Variants in RFPL2 observed in about 807,000 individuals in gnomAD.
RFPL2 encodes ret finger protein-like 2.
In RFPL2, 13 loss-of-function variants were observed where a neutral mutation model predicts 17.8. The ratio of observed to expected loss-of-function variants is 0.73; its 90% CI spans 0.47 to 1.16. The LOEUF is 1.16. Among genes scored for constraint, RFPL2 ranks in the 50% most tolerant of loss-of-function variants. RFPL2 has a pLI of 0.00. For synonymous variants in RFPL2, 189 were observed against 180.9 expected (o/e 1.04, Z -0.36); for missense variants, 431 against 479.3 (o/e 0.90, Z 0.94).
chr22:32,192,935 G>A lies in RFPL2; in HGVS notation c.523C>T (p.Leu175=). 6.2e-7 allele frequency: 1 copy of A among 1,614,012 alleles called. No homozygotes were observed. The highest frequency in any genetic ancestry group is 8.5e-7 in the Non-Finnish European group (1 of 1,179,916). The part of the protein sequence containing the change: ...KELEPKLKKI[L]QMNPRMRKFQ... ...TTCCGCATCCTTGGGTTCATCTGCAGAATCTTCTTCAGCTTGGGCTCCAGT... is the reference window on the plus strand; with the variant it reads ...TTCCGCATCCTTGGGTTCATCTGCAAAATCTTCTTCAGCTTGGGCTCCAGT... Residue 175 remains leucine, a synonymous_variant, in exon 4 of 5, where the codon CTG becomes TTG. Transcript: ENST00000652607.
Position 32,190,862 on chromosome 22 carries a change from T to C in RFPL2, c.1047A>G (p.Pro349=). ...PLRPFLAPSV[P]PNGDQGVLSI... is the part of the protein sequence containing the mutation. ...TCAAGACACCTTGATCACCATTAGG[T>C]GGAACTGAAGGAGCCAAAAATGGGC... The change falls in exon 5 of 5, where the codon CCA becomes CCG. Residue 349 remains proline (P), a synonymous_variant. Transcript: ENST00000652607. 2 of 1,588,474 alleles carry C rather than the reference T, an allele frequency of 1.3e-6. No homozygotes were observed. Among genetic ancestry groups the C allele is most frequent in the Non-Finnish European group, 1.7e-6 (2 of 1,166,898 alleles).
In RFPL2 at chr22:32,191,044, C is replaced by A. The variant is rs1334065654; in HGVS notation, c.865G>T (p.Ala289Ser). 6 of 1,613,954 alleles carry A rather than the reference C, an allele frequency of 3.7e-6. No individual in the cohort carries two copies. The highest frequency in any genetic ancestry group is 4.2e-6 in the Non-Finnish European group (5 of 1,179,860). ...AGGAAAGTCAGCGGCACCGTGGTGG[C>A]AGAGAGGCGGCCTCCATCCCTCAAA... ...VSLRDGGRLSATTVPLTFLFV... is the reference protein window; with the variant it reads ...VSLRDGGRLSSTTVPLTFLFV... The change falls in exon 5 of 5, where the codon GCC (alanine) becomes TCC (serine). Residue 289 changes from alanine to serine, a missense_variant. Ala to Ser is a moderately conservative substitution (Grantham distance 99). Transcript: ENST00000652607.
At chr22:32,202,716 A>T in intron 1 of RFPL2, 166 bp from the exon 2 acceptor site, 1 of 1,247,052 alleles carries the variant, frequency 8.0e-7, no homozygotes, top group East Asian at 3.7e-5. Context: ...GGGACTGCAG[A>T]CACCACAGTG....
intron 2 of RFPL2, among the ~76,000 whole-genome samples, chr22:32,200,793 A>T (rs926344994): frequency 6.6e-6 from 1 of 151,958 alleles, no homozygotes; most frequent in Non-Finnish European, 1.5e-5. Context: ...CTCTCTGCCC[A>T]GCTCCCCAGC....
At chr22:32,193,231 T>C in intron 3 of RFPL2, 39 bp from the exon 4 acceptor site, 1 of 1,613,960 alleles carries the variant, frequency 6.2e-7, no homozygotes, top group Non-Finnish European at 8.5e-7. Context: ...AAAATTTCCA[T>C]GAGGTGAAAG....
intron 2 of RFPL2, among the ~76,000 whole-genome samples, chr22:32,195,906 A>G (rs950363699): frequency 7.9e-5 from 12 of 151,834 alleles, no homozygotes; most frequent in African/African-American, 2.9e-4. Flanking sequence ...TCAATTACCG[A>G]CCTCTCCCCA....
chr22:32,202,342 C>G lies in RFPL2; in HGVS notation c.110G>C (p.Arg37Thr). The change falls in exon 2 of 5, where the codon AGG (arginine) becomes ACG (threonine). Residue 37 changes from arginine to threonine, a missense_variant. Arg to Thr is a moderately conservative substitution (Grantham distance 71). Transcript: ENST00000652607. ...CAGAATTGTCTCTCACCTCAGGCTC[C>G]TTATCACCATCATGTCTGCAAAGTC... ...HWDFADMMVI[R>T]SLSLIRLEGV... 1 of 1,599,358 alleles carries G rather than the reference C, an allele frequency of 6.3e-7. No individual in the cohort carries two copies. Among genetic ancestry groups the G allele is most frequent in the Non-Finnish European group, 8.5e-7 (1 of 1,172,972 alleles).
rs1442654762 is a variant in RFPL2 at position 32,193,212 on chromosome 22, C to G, written c.266-20G>C. 2 of 1,613,934 alleles carry G rather than the reference C, an allele frequency of 1.2e-6. No individual in the cohort carries two copies. Among genetic ancestry groups the G allele is most frequent in the South Asian group, 2.2e-5 (2 of 91,074 alleles). On this transcript the variant is annotated intron_variant, in intron 3 of 4. Coordinates refer to ENST00000652607, the MANE Select transcript of RFPL2 (RefSeq NM_001394555.1). Reference sequence around the variant, plus strand: ...TGTCCACTGCCAGGGGAAAAGTACACAAGGTAAAAAAATTTCCATGAGGTG... The same window carrying G: ...TGTCCACTGCCAGGGGAAAAGTACAGAAGGTAAAAAAATTTCCATGAGGTG...
chr22:32,194,335 A>G lies in RFPL2; in HGVS notation c.265+10T>C. ...TAAGAGGAAAAACACACACACAGGC[A>G]TGGGCTCACCTCTTCTGCTGGAAGC... On this transcript the variant is annotated intron_variant, in intron 3 of 4. Transcript: ENST00000652607. The G allele has an allele frequency of 1.9e-6, 3 of 1,601,978 alleles. No homozygotes were observed. The highest frequency in any genetic ancestry group is 2.5e-6 in the Non-Finnish European group (3 of 1,176,524).
At chr22:32,192,834 G>T in intron 4 of RFPL2, 68 bp downstream of exon 4, 1 of 1,532,422 alleles carries the variant, frequency 6.5e-7, no homozygotes. Context: ...TGGAATGAGG[G>T]GCCAACTGCA....
rs1216393140 is a variant in RFPL2, at chr22:32,193,052, C to A, written c.406G>T (p.Asp136Tyr). ...NSLQKEPHGE[D>Y]LLCCCSSMVS... ...ATGGAAGAGCAACAGCAAAGTAGAT[C>A]CTCCCCATGGGGCTCCTTCTGCAGT... The change falls in exon 4 of 5, where the codon GAT becomes TAT. Residue 136 changes from aspartate to tyrosine, a missense_variant. By Grantham distance (160) the Asp-to-Tyr change is radical (BLOSUM62 -3). Transcript: ENST00000652607. The A allele has an allele frequency of 3.1e-6, 5 of 1,613,882 alleles. No individual in the cohort carries two copies. In the African/African-American group the frequency reaches 4.0e-5, roughly 13 times the overall value.
At chr22:32,202,243 C>T in intron 2 of RFPL2, 90 bp downstream of exon 2, 10 of 1,489,940 alleles carry the variant, frequency 6.7e-6, no homozygotes, top group African/African-American at 1.4e-5. Context: ...CACATCTCCT[C>T]CTCTCACTGT....
At chr22:32,193,565 A>C in intron 3 of RFPL2, 1 of 1,190,612 alleles carries the variant, frequency 8.4e-7, no homozygotes. Context: ...TGAACATAAG[A>C]ATTAGGGGCT....
At chr22:32,197,361 T>A (rs914466268) in intron 2 of RFPL2, among the ~76,000 whole-genome samples, 2 of 152,094 alleles carry the variant, frequency 1.3e-5, no homozygotes, top group East Asian at 3.8e-4. Context: ...TTTTCTTTCC[T>A]CACACCCACA....
intron 2 of RFPL2, chr22:32,199,843 C>T (rs903564738): frequency 7.6e-6 from 3 of 394,412 alleles, no homozygotes; most frequent in Non-Finnish European, 1.5e-5. Flanking sequence ...GGCCTGACCC[C>T]TCTTCATACA....
intron 2 of RFPL2, among the ~76,000 whole-genome samples, chr22:32,196,954 T>G (rs1016382712): frequency 6.6e-6 from 1 of 152,236 alleles, no homozygotes; most frequent in Non-Finnish European, 1.5e-5. Context: ...CATTCATGGT[T>G]TGAGATGTTC....
At chr22:32,200,932 G>A (rs1260553775) in intron 2 of RFPL2, among the ~76,000 whole-genome samples, 1 of 152,064 alleles carries the variant, frequency 6.6e-6, no homozygotes, top group Non-Finnish European at 1.5e-5. Flanking sequence ...AAGTCAGGAC[G>A]GAAACACACA....
intron 2 of RFPL2, among the ~76,000 whole-genome samples, chr22:32,195,968 A>G (rs1923289545): frequency 6.6e-6 from 1 of 151,312 alleles, no homozygotes; most frequent in Non-Finnish European, 1.5e-5. Context: ...CATTTCTCCC[A>G]TCTAGCTGTA....
At chr22:32,202,276 T>C (rs1483244328) in intron 2 of RFPL2, 57 bp downstream of exon 2, 4 of 1,548,502 alleles carry the variant, frequency 2.6e-6, no homozygotes, top group Non-Finnish European at 3.5e-6. Flanking sequence ...GCCTTCCTCT[T>C]TCCCTTATAA....
Sources: gnomAD v4.1 joint callset for allele counts (sites outside exome capture counted in the v4.1 genomes callset) on GRCh38, gnomAD v4.1.1 for gene constraint, MANE v1.5 for transcripts, NCBI Gene and HGNC (gene_info 2026-07-23, HGNC 2026-07-21) for gene names.